The following SMU1 variants were observed in gnomAD, a reference collection of about 807,000 sequenced individuals.
SMU1 encodes WD40 repeat-containing protein SMU1.
A neutral mutation model predicts 62.0 loss-of-function variants in SMU1; 2 were observed. The ratio of observed to expected loss-of-function variants is 0.03; its 90% CI spans 0.01 to 0.10. SMU1 has a LOEUF of 0.10. Ranked by LOEUF, SMU1 falls within the 10% of genes least tolerant of loss-of-function variation. SMU1 has a pLI of 1.00. For missense variants in SMU1, 227 were observed against 622.1 expected, an observed-to-expected ratio of 0.36 and a Z score of 6.76; for synonymous variants, 188 against 212.4, an observed-to-expected ratio of 0.89 and a Z score of 1.00.
chr9:33,064,148 G>C (rs1229831806), intron 4 of SMU1, among the ~76,000 whole-genome samples: 1 of 152,028 alleles, frequency 6.6e-6, no homozygotes, highest in Non-Finnish European at 1.5e-5. Flanking sequence ...TGTCAGGCTG[G>C]AAAAGTGGCA....
intron 10 of SMU1, among the ~76,000 whole-genome samples, chr9:33,052,345 A>G (rs1446349971): frequency 1.3e-5 from 2 of 152,292 alleles, no homozygotes; most frequent in Non-Finnish European, 2.9e-5. Context: ...AAAATAAAGT[A>G]TTTTAAAAAG....
intron 5 of SMU1, 148 bp downstream of exon 5, chr9:33,061,901 G>A (rs888390473): frequency 8.9e-6 from 7 of 789,016 alleles, no homozygotes; most frequent in Middle Eastern, 3.9e-4. Context: ...GTATCCCAGT[G>A]GACACCTGCA....
chr9:33,076,159 G>C (rs1327959443), intron 1 of SMU1, among the ~76,000 whole-genome samples: 1 of 152,210 alleles, frequency 6.6e-6, no homozygotes, highest in Non-Finnish European at 1.5e-5. Context: ...GCTAGGCAGA[G>C]AAAAGCAAAG....
At chr9:33,054,795 T>C (rs993474163) in intron 9 of SMU1, among the ~76,000 whole-genome samples, 2 of 152,222 alleles carry the variant, frequency 1.3e-5, no homozygotes, top group African/African-American at 4.8e-5. Context: ...ACACTGTTAT[T>C]GCCTGCCCTA....
At chr9:33,073,455 A>C in intron 2 of SMU1, 141 bp downstream of exon 2, 1 of 603,310 alleles carries the variant, frequency 1.7e-6, no homozygotes. Context: ...GGGAGAAAAA[A>C]TACAATGTCA....
chr9:33,062,321 ATAAAG>A (rs1587710132), intron 4 of SMU1, 144 bp from the exon 5 acceptor site: 1 of 1,046,154 alleles, frequency 9.6e-7, no homozygotes, highest in South Asian at 1.9e-5. Flanking sequence ...CCATCCAAAC[ATAAAG>A]TAATCTGTGC....
rs1355768965 is a variant in SMU1 at position 33,057,672 on chromosome 9, C to G, written c.793G>C (p.Asp265His). 1 of 1,613,816 alleles carries G rather than the reference C, an allele frequency of 6.2e-7. No homozygotes were observed. The highest frequency in any genetic ancestry group is 1.3e-5 in the African/African-American group (1 of 74,922). Reference sequence around the variant, plus strand: ...CTGAAACACATGCAGAGGACAGCATCATCCATCATCATAAAGTTATCTTGG... The same window carrying G: ...CTGAAACACATGCAGAGGACAGCATGATCCATCATCATAAAGTTATCTTGG... ...QAQDNFMMMD[D>H]AVLCMCFSRD... is the part of the protein sequence containing the mutation. Residue 265 changes from aspartate (D) to histidine (H), a missense_variant, in exon 7 of 12, where the codon GAT becomes CAT. By Grantham distance (81) the Asp-to-His change is moderately conservative. Around this residue, in one of 5 missense-constraint regions of SMU1, gnomAD observed 98 missense variants for 195.9 expected, o/e 0.50. Coordinates refer to ENST00000397149, the MANE Select transcript of SMU1 (RefSeq NM_018225.3).
intron 10 of SMU1, among the ~76,000 whole-genome samples, chr9:33,049,764 C>CACACACACACACACA (rs1839222796): frequency 6.7e-6 from 1 of 148,406 alleles, no homozygotes; most frequent in Non-Finnish European, 1.5e-5. Flanking sequence ...GACCCCATTT[C>CACACACACACACACA]CACACACACA....
Position 33,043,992 on chromosome 9 carries a change from T to TAAAAAA in SMU1, c.*3295_*3300dup, listed in dbSNP as rs141620295. 8.5e-6 allele frequency: 1 copy of TAAAAAA among 118,112 alleles called. No homozygotes were observed. Among genetic ancestry groups the TAAAAAA allele is most frequent in the South Asian group, 3.2e-4 (1 of 3,090 alleles). The allele number at this position is 118,112 out of a possible 1,614,324, so 7.3% of individuals were successfully genotyped here. On this transcript the variant is annotated 3_prime_UTR_variant, in exon 12 of 12. Transcript: ENST00000397149. Reference sequence around the variant, plus strand: ...ACCTGAGATTTATACCATTTGCTGTTAAAAAAAAAAAAAAAAAAAAAGCCA... The same window carrying TAAAAAA: ...ACCTGAGATTTATACCATTTGCTGTTAAAAAAAAAAAAAAAAAAAAAAAAAAAGCCA...
At chr9:33,048,959 T>A (rs769985199) in intron 10 of SMU1, among the ~76,000 whole-genome samples, 1 of 152,150 alleles carries the variant, frequency 6.6e-6, no homozygotes, top group Non-Finnish European at 1.5e-5. Flanking sequence ...ATTACAAAAT[T>A]CTGATGAAGG....
At chr9:33,056,301 C>T (rs11789823) in intron 8 of SMU1, 62 bp from the exon 9 acceptor site, 213,398 of 1,471,096 alleles carry the variant, frequency 0.15, 15,548 homozygotes, top group Non-Finnish European at 0.15. Context: ...TTGTGACCAA[C>T]GATTGAATGC....
chr9:33,066,259 A>G (rs1839417968), intron 4 of SMU1, among the ~76,000 whole-genome samples: 1 of 152,206 alleles, frequency 6.6e-6, no homozygotes, highest in African/African-American at 2.4e-5. Context: ...ATACAGGGAC[A>G]ATGCAGGAAG....
At chr9:33,063,673 A>C (rs1319348332) in intron 4 of SMU1, among the ~76,000 whole-genome samples, 1 of 151,690 alleles carries the variant, frequency 6.6e-6, no homozygotes, top group Non-Finnish European at 1.5e-5. Context: ...TTCTCATAGG[A>C]GCATGAACCC....
At chr9:33,071,962 T>C in intron 2 of SMU1, 70 bp from the exon 3 acceptor site, 1 of 1,410,622 alleles carries the variant, frequency 7.1e-7, no homozygotes, top group East Asian at 2.5e-5. Context: ...TATTTTTCGG[T>C]AAAATATCTA....
At chr9:33,072,195 G>C (rs1254125259) in intron 2 of SMU1, among the ~76,000 whole-genome samples, 6 of 152,062 alleles carry the variant, frequency 3.9e-5, no homozygotes. Flanking sequence ...AAATTAGCTG[G>C]GTGTGGTGGT....
chr9:33,052,215 G>C (rs1839258262), intron 10 of SMU1, among the ~76,000 whole-genome samples: 1 of 147,154 alleles, frequency 6.8e-6, no homozygotes, highest in Admixed American at 7.0e-5. Context: ...CAATTTCCTA[G>C]TTCTGATCAT....
chr9:33,048,306 C>T (rs375440474), intron 10 of SMU1, 48 bp from the exon 11 acceptor site: 36 of 1,606,412 alleles, frequency 2.2e-5, no homozygotes, highest in Non-Finnish European at 2.9e-5. Context: ...TTAGTAGCAG[C>T]TCAACCATGT....
chr9:33,068,270 C>T (rs994844453), intron 4 of SMU1, among the ~76,000 whole-genome samples: 4 of 152,088 alleles, frequency 2.6e-5, no homozygotes, highest in South Asian at 2.1e-4. Context: ...GTACTCTCAA[C>T]GATATTCCAG....
chr9:33,049,070 A>G (rs1039847713), intron 10 of SMU1, among the ~76,000 whole-genome samples: 1 of 152,236 alleles, frequency 6.6e-6, no homozygotes, highest in African/African-American at 2.4e-5. Flanking sequence ...GATTTCATAC[A>G]ATCCCAATCA....
Sources: gnomAD v4.1 joint callset for allele counts (sites outside exome capture counted in the v4.1 genomes callset) on GRCh38, gnomAD v4.1.1 for gene constraint, gnomAD v4.1.1 regional missense constraint, MANE v1.5 for transcripts, NCBI Gene and HGNC (gene_info 2026-07-23, HGNC 2026-07-21) for gene names.